COL23A1: variants seen among roughly 807,000 people sequenced by gnomAD.
COL23A1 encodes the protein collagen type XXIII alpha 1 chain.
COL23A1 carries 97 observed loss-of-function variants against 99.3 expected under a neutral mutation model. The observed-to-expected ratio is 0.98, with a 90% CI of 0.83 to 1.16. COL23A1 has a LOEUF of 1.16. Ranked by LOEUF, COL23A1 falls within the 50% of genes most tolerant of loss-of-function variation. The pLI is 0.00. For missense variants in COL23A1, 762 were observed against 757.4 expected (o/e 1.01, Z -0.07); for synonymous variants, 320 against 308.2 (o/e 1.04, Z -0.40).
At chr5:178,342,384 C>T (rs935348673) in intron 2 of COL23A1, among the ~76,000 whole-genome samples, 1 of 152,212 alleles carries the variant, frequency 6.6e-6, no homozygotes, top group Admixed American at 6.5e-5. Flanking sequence ...AGTCTGTTTG[C>T]TCCATGTCTT....
chr5:178,373,896 G>A (rs886100111), intron 2 of COL23A1, among the ~76,000 whole-genome samples: 3 of 152,196 alleles, frequency 2.0e-5, no homozygotes, highest in African/African-American at 7.2e-5. Context: ...GTCAGAGCTC[G>A]CTTTGAACAT....
intron 2 of COL23A1, among the ~76,000 whole-genome samples, chr5:178,516,351 G>C (rs1032238518): frequency 1.3e-5 from 2 of 152,120 alleles, no homozygotes; most frequent in Non-Finnish European, 2.9e-5. Context: ...CATCCCACCC[G>C]CACCCAGCTC....
intron 18 of COL23A1, 25 bp downstream of exon 18, chr5:178,250,036 C>T: frequency 1.9e-6 from 3 of 1,613,872 alleles, no homozygotes; most frequent in Admixed American, 1.7e-5. Flanking sequence ...ACTGGCATCA[C>T]CAAGGAAATG....
At chr5:178,239,202 T>C in intron 27 of COL23A1, 23 bp from the exon 28 acceptor site, 1 of 1,613,674 alleles carries the variant, frequency 6.2e-7, no homozygotes, top group Non-Finnish European at 8.5e-7. Context: ...AAGGTTTCAG[T>C]GATGGGGATG....
intron 2 of COL23A1, among the ~76,000 whole-genome samples, chr5:178,504,195 AC>A (rs893549371): frequency 3.3e-5 from 5 of 151,226 alleles, no homozygotes; most frequent in Admixed American, 3.3e-4. Flanking sequence ...ATACAATCGC[AC>A]CCCCGACCCC....
intron 2 of COL23A1, among the ~76,000 whole-genome samples, chr5:178,430,099 A>G (rs1296044153): frequency 6.6e-6 from 1 of 152,190 alleles, no homozygotes; most frequent in Non-Finnish European, 1.5e-5. Context: ...CACGTGCCTC[A>G]GCCTGTCATG....
At position 178,245,988 on chromosome 5, in the gene COL23A1, G is replaced by A; in HGVS notation, c.1414-20C>T. The A allele has an allele frequency of 6.2e-7, 1 of 1,613,984 alleles. No individual in the cohort carries two copies. Among genetic ancestry groups the A allele is most frequent in the Non-Finnish European group, 8.5e-7 (1 of 1,179,974 alleles). The stretch of plus-strand genomic sequence containing the variant: ...TCTGCCCTGAGGAGAGACACAGAGT[G>A]GGTGAGAGGGGTTGGGGAGGGGTGC... On this transcript the variant is annotated intron_variant, in intron 24 of 28. Transcript: ENST00000390654.
intron 4 of COL23A1, among the ~76,000 whole-genome samples, chr5:178,289,207 A>G (rs1757322291): frequency 6.6e-6 from 1 of 152,050 alleles, no homozygotes; most frequent in African/African-American, 2.4e-5. Context: ...ACACGGAAGT[A>G]AAAAATAAAA....
At chr5:178,418,349 C>T (rs900842173) in intron 2 of COL23A1, among the ~76,000 whole-genome samples, 5 of 152,196 alleles carry the variant, frequency 3.3e-5, no homozygotes, top group African/African-American at 4.8e-5. Context: ...GTTTTCTTGC[C>T]CTATTAGACT....
intron 2 of COL23A1, among the ~76,000 whole-genome samples, chr5:178,502,545 T>C (rs1442492371): frequency 1.3e-5 from 2 of 152,196 alleles, no homozygotes; most frequent in Non-Finnish European, 2.9e-5. Context: ...TGGTTTGGAT[T>C]AACCACAAAG....
intron 2 of COL23A1, among the ~76,000 whole-genome samples, chr5:178,358,723 GTA>G (rs546490610): frequency 0.014 from 2,062 of 142,292 alleles, 50 homozygotes; most frequent in African/African-American, 0.05. Context: ...GTGTGTATGT[GTA>G]TGTGTGTATG....
Position 178,280,210 on chromosome 5 carries a change from G to A in COL23A1, c.441+8114C>T, listed in dbSNP as rs987418105. On this transcript the variant is annotated intron_variant, in intron 5 of 28. Transcript: ENST00000390654. This position sits in a 1 kb window ranked among gnomAD's most constrained non-coding sequence, Gnocchi z 4.9. ...ACTCTTGCGCTGGACTCCCGCCCTC[G>A]GGCCACAGCCTGGGCGATCAGCCAG... Among the ~76,000 whole-genome samples the A allele has an allele frequency of 2.0e-5, 3 of 152,220 alleles. No individual in the cohort carries two copies. Among genetic ancestry groups the A allele is most frequent in the Non-Finnish European group, 4.4e-5 (3 of 68,042 alleles).
chr5:178,575,489 T>A (rs1386240984), intron 1 of COL23A1, among the ~76,000 whole-genome samples: 1 of 152,200 alleles, frequency 6.6e-6, no homozygotes, highest in African/African-American at 2.4e-5. Context: ...TGTTACCTCC[T>A]TAGGCCCTCA....
At chr5:178,513,072 T>C (rs647751) in intron 2 of COL23A1, among the ~76,000 whole-genome samples, 100,492 of 152,036 alleles carry the variant, frequency 0.66, 34,476 homozygotes, top group East Asian at 0.88. Context: ...GGGAACAGCA[T>C]GCATGAGAGA....
chr5:178,380,071 T>C (rs1390750793), intron 2 of COL23A1, among the ~76,000 whole-genome samples: 1 of 152,170 alleles, frequency 6.6e-6, no homozygotes, highest in African/African-American at 2.4e-5. Context: ...CAACATGACC[T>C]GTGTTTTGTG....
At chr5:178,358,529 CTA>C (rs1282185309) in intron 2 of COL23A1, among the ~76,000 whole-genome samples, 6 of 103,916 alleles carry the variant, frequency 5.8e-5, no homozygotes, top group Admixed American at 3.0e-4. Context: ...GTATGTATGT[CTA>C]GTGTGTGTAT....
intron 8 of COL23A1, 90 bp from the exon 9 acceptor site, chr5:178,263,414 C>T: frequency 1.3e-6 from 1 of 789,404 alleles, no homozygotes; most frequent in Non-Finnish European, 2.0e-6. Context: ...CCCACGCCAT[C>T]CCCTTCCCCA....
intron 2 of COL23A1, among the ~76,000 whole-genome samples, chr5:178,556,749 T>TG (rs1762297968): frequency 6.6e-6 from 1 of 151,356 alleles, no homozygotes; most frequent in Admixed American, 6.6e-5. Flanking sequence ...GGTCAGGAGT[T>TG]GGAGACCAGC....
At position 178,468,953 on chromosome 5, in the gene COL23A1, G is replaced by A. The variant is rs193063915; in HGVS notation, c.361+91729C>T. On this transcript the variant is annotated intron_variant, in intron 2 of 28. Coordinates refer to ENST00000390654, the MANE Select transcript of COL23A1 (RefSeq NM_173465.4). This position sits in a 1 kb window ranked among gnomAD's most constrained non-coding sequence, Gnocchi z 4.2. ...TGTGGCACCCACCATCCTGGTTTCC[G>A]TCTCTATGAATTTGATGACTGGGTG... Among the ~76,000 whole-genome samples the A allele has an allele frequency of 3.8e-4, 58 of 152,230 alleles. No individual in the cohort carries two copies. Among genetic ancestry groups the A allele is most frequent in the Non-Finnish European group, 7.8e-4 (53 of 68,018 alleles).
Sources: allele counts gnomAD v4.1 joint callset (sites outside exome capture counted in the v4.1 genomes callset), GRCh38; gene constraint gnomAD v4.1.1; non-coding constraint Gnocchi (gnomAD v3.1); transcripts MANE v1.5; gene names NCBI Gene and HGNC (gene_info 2026-07-23, HGNC 2026-07-21).